The following TMEM132D variants were observed in gnomAD, a reference collection of about 807,000 sequenced individuals.
TMEM132D encodes the protein transmembrane protein 132D.
A neutral mutation model predicts 62.3 loss-of-function variants in TMEM132D; 21 were observed. That is an observed-to-expected ratio of 0.34 (90% CI 0.24 to 0.49). TMEM132D has a LOEUF of 0.49. Ranked by LOEUF, TMEM132D falls within the 20% of genes least tolerant of loss-of-function variation. The pLI, the probability that TMEM132D is intolerant of heterozygous loss-of-function variation, is 0.99. For missense variants in TMEM132D, 1,346 were observed against 1,402.8 expected, an observed-to-expected ratio of 0.96 and a Z score of 0.65; for synonymous variants, 621 against 575.6, an observed-to-expected ratio of 1.08 and a Z score of -1.13.
intron 3 of TMEM132D, among the ~76,000 whole-genome samples, chr12:129,524,726 T>C (rs979067445): frequency 1.3e-5 from 2 of 151,552 alleles, no homozygotes; most frequent in Non-Finnish European, 2.9e-5. Flanking sequence ...ATCTCTAAAG[T>C]GGAAGAACCA....
At chr12:129,214,781 G>C (rs1879155971) in intron 4 of TMEM132D, among the ~76,000 whole-genome samples, 1 of 152,122 alleles carries the variant, frequency 6.6e-6, no homozygotes, top group Non-Finnish European at 1.5e-5. Context: ...AGTCAGAATA[G>C]CTATTATTAA....
intron 2 of TMEM132D, among the ~76,000 whole-genome samples, chr12:129,643,646 C>A (rs1169931484): frequency 6.6e-6 from 1 of 152,110 alleles, no homozygotes; most frequent in Non-Finnish European, 1.5e-5. Flanking sequence ...TGAGGGGAAA[C>A]CTGCCCCATT....
At chr12:129,810,770 G>C (rs557634641) in intron 1 of TMEM132D, among the ~76,000 whole-genome samples, 1 of 152,260 alleles carries the variant, frequency 6.6e-6, no homozygotes, top group South Asian at 2.1e-4. Context: ...CGCGTTAATA[G>C]GTTGAAGAAA....
At chr12:129,768,378 G>A (rs538728951) in intron 1 of TMEM132D, among the ~76,000 whole-genome samples, 1 of 152,020 alleles carries the variant, frequency 6.6e-6, no homozygotes, top group African/African-American at 2.4e-5. Flanking sequence ...CTCTTTTCTT[G>A]ACAGTGGCCA....
intron 3 of TMEM132D, among the ~76,000 whole-genome samples, chr12:129,342,273 A>T (rs528415087): frequency 2.0e-4 from 31 of 152,320 alleles, no homozygotes; most frequent in Non-Finnish European, 3.8e-4. Flanking sequence ...ATAATGCCGC[A>T]TATCTACAAC....
chr12:129,694,657 C>G (rs1881152360), intron 2 of TMEM132D, among the ~76,000 whole-genome samples: 1 of 152,206 alleles, frequency 6.6e-6, no homozygotes, highest in African/African-American at 2.4e-5. Context: ...GTAACCAATC[C>G]AGCTGTTTCA....
chr12:129,441,359 A>G (rs995744951), intron 3 of TMEM132D, among the ~76,000 whole-genome samples: 1 of 152,168 alleles, frequency 6.6e-6, no homozygotes, highest in Non-Finnish European at 1.5e-5. Flanking sequence ...GTATGAGAAG[A>G]ACTAGAAACC....
At chr12:129,887,244 T>TGGA (rs1874779090) in intron 1 of TMEM132D, among the ~76,000 whole-genome samples, 2 of 152,240 alleles carry the variant, frequency 1.3e-5, no homozygotes, top group East Asian at 3.9e-4. Flanking sequence ...CTGTCTACCG[T>TGGA]GGAGGCAGCT....
intron 2 of TMEM132D, among the ~76,000 whole-genome samples, chr12:129,650,423 G>C (rs1292857775): frequency 2.0e-5 from 3 of 152,054 alleles, no homozygotes; most frequent in Non-Finnish European, 2.9e-5. Context: ...GAACATTCTT[G>C]TATTTATCAT....
intron 1 of TMEM132D, among the ~76,000 whole-genome samples, chr12:129,873,605 G>A (rs1469884887): frequency 3.3e-5 from 5 of 152,312 alleles, no homozygotes; most frequent in African/African-American, 9.6e-5. Context: ...CTGTCTTGTT[G>A]AGAATCTTTA....
At chr12:129,706,787 T>C (rs264472) in intron 1 of TMEM132D, among the ~76,000 whole-genome samples, 5,413 of 151,942 alleles carry the variant, frequency 0.036, 265 homozygotes, top group African/African-American at 0.099. Flanking sequence ...TATAATTTCA[T>C]AAAAACTATG....
At chr12:129,324,070 T>C (rs1868815771) in intron 4 of TMEM132D, among the ~76,000 whole-genome samples, 1 of 152,208 alleles carries the variant, frequency 6.6e-6, no homozygotes, top group Admixed American at 6.5e-5. Flanking sequence ...CTTCTGCTCC[T>C]TTCTATTGGA....
At chr12:129,760,523 G>GT (rs1246429451) in intron 1 of TMEM132D, among the ~76,000 whole-genome samples, 2 of 149,776 alleles carry the variant, frequency 1.3e-5, no homozygotes, top group East Asian at 3.9e-4. Context: ...GCTGATTTTT[G>GT]TATTTTTAGC....
At chr12:129,291,831 T>C (rs1881457902) in intron 4 of TMEM132D, among the ~76,000 whole-genome samples, 1 of 152,132 alleles carries the variant, frequency 6.6e-6, no homozygotes, top group South Asian at 2.1e-4. Context: ...TGATTTCTGT[T>C]CTAAGCAGAG....
intron 5 of TMEM132D, among the ~76,000 whole-genome samples, chr12:129,133,617 A>G (rs773588425): frequency 6.6e-5 from 10 of 152,210 alleles, no homozygotes; most frequent in Non-Finnish European, 1.3e-4. Context: ...AGGTCTGATT[A>G]TGATGGTGGT....
chr12:129,572,085 GAAACTTCAC>G (rs1877529310), intron 2 of TMEM132D, among the ~76,000 whole-genome samples: 2 of 152,178 alleles, frequency 1.3e-5, no homozygotes, highest in South Asian at 4.1e-4. Context: ...CCCTCTACAG[GAAACTTCAC>G]TGCCTGTGGG....
At chr12:129,584,821 A>C (rs1180984538) in intron 2 of TMEM132D, among the ~76,000 whole-genome samples, 1 of 152,218 alleles carries the variant, frequency 6.6e-6, no homozygotes, top group African/African-American at 2.4e-5. Context: ...TAATGAAATT[A>C]CCGATGGAAA....
At chr12:129,625,970 GAA>G (rs988097684) in intron 2 of TMEM132D, among the ~76,000 whole-genome samples, 4 of 152,038 alleles carry the variant, frequency 2.6e-5, no homozygotes, top group African/African-American at 9.7e-5. Flanking sequence ...TAAAAGCATA[GAA>G]TTCACAGTAG....
chr12:129,423,219 T>G (rs917217038), intron 3 of TMEM132D, among the ~76,000 whole-genome samples: 11 of 152,140 alleles, frequency 7.2e-5, no homozygotes, highest in African/African-American at 2.7e-4. Context: ...TGTCTGACAT[T>G]TTAAGTCTGA....
Sources: gnomAD v4.1 joint callset for allele counts (sites outside exome capture counted in the v4.1 genomes callset) on GRCh38, gnomAD v4.1.1 for gene constraint, MANE v1.5 for transcripts, NCBI Gene and HGNC (gene_info 2026-07-23, HGNC 2026-07-21) for gene names.